ZNF732: variants seen among roughly 807,000 people sequenced by gnomAD.
ZNF732 encodes the protein zinc finger protein LOC654254.
In ZNF732, 12 loss-of-function variants were observed where a neutral mutation model predicts 11.5. The ratio of observed to expected loss-of-function variants is 1.05; its 90% CI spans 0.67 to 1.70. The LOEUF (loss-of-function observed/expected upper bound fraction) is 1.70, where lower values mean the gene tolerates loss of function less well. ZNF732 is among the 40% of genes most tolerant of loss of function. The pLI is 0.00. For synonymous variants in ZNF732, 231 were observed against 236.5 expected, an observed-to-expected ratio of 0.98 and a Z score of 0.21; for missense variants, 702 against 676.9, an observed-to-expected ratio of 1.04 and a Z score of -0.41.
chr4:279,777 C>T (rs1213511141), intron 3 of ZNF732, among the ~76,000 whole-genome samples: 1 of 152,032 alleles, frequency 6.6e-6, no homozygotes, highest in East Asian at 1.9e-4. Context: ...AAAAGTGTTT[C>T]TCTCACAGAA....
At chr4:300,454 C>CAAAAAAAA (rs559629684) in intron 1 of ZNF732, among the ~76,000 whole-genome samples, 1 of 58,630 alleles carries the variant, frequency 1.7e-5, no homozygotes. Flanking sequence ...GACTCTGTCT[C>CAAAAAAAA]AAAAAAAAAA....
rs1553837887 is a variant in ZNF732, at chr4:272,339, C to T, written c.518G>A (p.Gly173Asp). 1.6e-5 allele frequency: 26 copies of T among 1,609,880 alleles called. No individual in the cohort carries two copies. The highest frequency in any genetic ancestry group is 2.2e-5 in the Non-Finnish European group (26 of 1,177,626). Residue 173 changes from glycine to aspartate, a missense_variant, in exon 4 of 4, where the codon GGC becomes GAC. Physicochemically the swap from Gly to Asp is moderately conservative, Grantham distance 94 (BLOSUM62 -1). Coordinates refer to ENST00000419098, the MANE Select transcript of ZNF732 (RefSeq NM_001137608.3). ...HTGEKHFKEC[G>D]KSFQKFSDLT... ...GTCTGAGAACTTCTGAAATGACTTG[C>T]CACATTCTTTAAAGTGTTTCTCTCC...
chr4:305,138 G>A (rs1421669904), intron 1 of ZNF732, among the ~76,000 whole-genome samples, 170 bp downstream of exon 1: 1 of 152,194 alleles, frequency 6.6e-6, no homozygotes. Context: ...GGCCAAAGCC[G>A]CCTTGCGGGG....
intron 1 of ZNF732, among the ~76,000 whole-genome samples, chr4:303,142 C>T (rs1315920391): frequency 1.3e-5 from 2 of 152,202 alleles, no homozygotes; most frequent in Admixed American, 6.5e-5. Context: ...TCTTAAAGCC[C>T]CTGCACCTGG....
intron 3 of ZNF732, among the ~76,000 whole-genome samples, chr4:289,731 AAAG>A (rs1553841132): frequency 6.6e-6 from 1 of 152,206 alleles, no homozygotes; most frequent in Non-Finnish European, 1.5e-5. Flanking sequence ...TCAAAAATAA[AAAG>A]AAAGAAAATG....
At chr4:300,865 C>T (rs1553843516) in intron 1 of ZNF732, among the ~76,000 whole-genome samples, 1 of 152,122 alleles carries the variant, frequency 6.6e-6, no homozygotes, top group Non-Finnish European at 1.5e-5. Context: ...CCAAAATTGA[C>T]AAATGGGATC....
At position 293,321 on chromosome 4, in the gene ZNF732, T is replaced by TAC. The variant is rs1471899176; in HGVS notation, c.226+2115_226+2116dup. Among the ~76,000 whole-genome samples the TAC allele has an allele frequency of 4.3e-3, 633 of 146,922 alleles. 7 individuals carry two copies. The highest frequency in any genetic ancestry group is 0.014 in the Middle Eastern group (4 of 284). The stretch of plus-strand genomic sequence containing the variant: ...ATATGTGTGTGTGTGTATATATATA[T>TAC]ACACACACACACAGTAGACTACTAT... On this transcript the variant is annotated intron_variant, in intron 3 of 3. Transcript: ENST00000419098.
At chr4:293,183 A>C (rs1351576705) in intron 3 of ZNF732, among the ~76,000 whole-genome samples, 1 of 146,658 alleles carries the variant, frequency 6.8e-6, no homozygotes, top group Non-Finnish European at 1.5e-5. Flanking sequence ...ACCTTGAAGA[A>C]ATATCTTCAG....
At chr4:279,507 T>C (rs1553839391) in intron 3 of ZNF732, among the ~76,000 whole-genome samples, 1 of 150,918 alleles carries the variant, frequency 6.6e-6, no homozygotes, top group Non-Finnish European at 1.5e-5. Flanking sequence ...AATATAAAAA[T>C]CAGTCAAAAT....
Position 299,408 on chromosome 4 carries a change from TATATATACAC to T in ZNF732, c.4-3263_4-3254del, listed in dbSNP as rs1468371649. On this transcript the variant is annotated intron_variant, in intron 1 of 3. Coordinates refer to ENST00000419098, the MANE Select transcript of ZNF732 (RefSeq NM_001137608.3). ...ACACATATGTACACATATGTGTATA[TATATATACAC>T]ATATATACACATATGTGTATATATA... Among the ~76,000 whole-genome samples, 252 of 67,526 alleles carry T rather than the reference TATATATACAC, an allele frequency of 3.7e-3. 7 individuals carry two copies. The highest frequency in any genetic ancestry group is 4.8e-3 in the African/African-American group (96 of 19,858). 44.3% of individuals were successfully genotyped at this position (67,526 alleles called of 152,430 possible). A position where few individuals can be genotyped will look rare whatever the true frequency, so the allele number is the denominator to read the frequency against.
intron 3 of ZNF732, among the ~76,000 whole-genome samples, chr4:287,129 C>A (rs377537763): frequency 1.3e-5 from 2 of 151,990 alleles, no homozygotes; most frequent in East Asian, 3.9e-4. Context: ...CCAGCCTGGG[C>A]GACAGAGCAA....
At chr4:282,081 G>A (rs78697570) in intron 3 of ZNF732, among the ~76,000 whole-genome samples, 2,599 of 152,154 alleles carry the variant, frequency 0.017, 72 homozygotes, top group African/African-American at 0.059. Context: ...AGCTTTAACA[G>A]GAGACTCAGT....
Position 272,556 on chromosome 4 carries a change from T to C in ZNF732, c.301A>G (p.Arg101Gly), listed in dbSNP as rs1553838005. Residue 101 changes from arginine to glycine, a missense_variant, in exon 4 of 4, where the codon AGA (arginine) becomes GGA (glycine). Transcript: ENST00000419098. Reference sequence around the variant, plus strand: ...TCATGTCCACATTTCTCATATCTTCTTAATATAAGTTTGTGGAACGAATCT... The same window carrying C: ...TCATGTCCACATTTCTCATATCTTCCTAATATAAGTTTGTGGAACGAATCT... Reference protein sequence around the residue: ...IEDSFHKLILRRYEKCGHENL... With the variant: ...IEDSFHKLILGRYEKCGHENL... The C allele has an allele frequency of 2.5e-6, 4 of 1,595,408 alleles. No homozygotes were observed. Among genetic ancestry groups the C allele is most frequent in the African/African-American group, 1.4e-5 (1 of 73,834 alleles).
chr4:283,483 A>G (rs1422031069), intron 3 of ZNF732, among the ~76,000 whole-genome samples: 1 of 152,030 alleles, frequency 6.6e-6, no homozygotes, highest in Non-Finnish European at 1.5e-5. Flanking sequence ...TTTACATCAG[A>G]CAAAATAGAC....
In ZNF732 at chr4:295,447, T is replaced by G; in HGVS notation, c.217A>C (p.Lys73Gln). The change falls in exon 3 of 4, where the codon AAA becomes CAA. Residue 73 changes from lysine to glutamine, a missense_variant. Physicochemically the swap from Lys to Gln is moderately conservative, Grantham distance 53. Transcript: ENST00000419098. ...YKVKIHETVA[K>Q]HPAVCSHFTQ... ...ATTCACTGTCACCTACCTGGGTGTT[T>G]GGCTACTGTCTCATGTATCTTCACT... 1.2e-6 allele frequency: 2 copies of G among 1,606,330 alleles called. No individual in the cohort carries two copies. The highest frequency in any genetic ancestry group is 1.7e-6 in the Non-Finnish European group (2 of 1,176,082).
rs151212469 is a variant in ZNF732 at position 278,334 on chromosome 4, G to A, written c.227-5704C>T. Among the ~76,000 whole-genome samples, 1,116 of 152,280 alleles carry A rather than the reference G, an allele frequency of 7.3e-3. 13 individuals are homozygous for A. Among genetic ancestry groups the A allele is most frequent in the Middle Eastern group, 0.044 (13 of 294 alleles). On this transcript the variant is annotated intron_variant, in intron 3 of 3. Coordinates refer to ENST00000419098, the MANE Select transcript of ZNF732 (RefSeq NM_001137608.3). ...GGACTTTACATATTTACACATGCAT[G>A]TTAATTATTATTTGCAAAAGACAAT...
At chr4:299,589 A>ATTTAT (rs1720068179) in intron 1 of ZNF732, among the ~76,000 whole-genome samples, 1 of 138,976 alleles carries the variant, frequency 7.2e-6, no homozygotes, top group African/African-American at 2.7e-5. Flanking sequence ...TTTATATATA[A>ATTTAT]ATATATATTT....
intron 3 of ZNF732, among the ~76,000 whole-genome samples, chr4:293,744 G>A (rs745908545): frequency 1.3e-5 from 2 of 151,958 alleles, no homozygotes; most frequent in African/African-American, 2.4e-5. Flanking sequence ...TAGATGTGTT[G>A]ATCAACTTGA....
At chr4:274,005 C>T (rs1480022079) in intron 3 of ZNF732, among the ~76,000 whole-genome samples, 1 of 151,716 alleles carries the variant, frequency 6.6e-6, no homozygotes, top group Non-Finnish European at 1.5e-5. Flanking sequence ...CAAAAAAATG[C>T]TCAAGAAAGT....
Sources: gnomAD v4.1 joint callset for allele counts (sites outside exome capture counted in the v4.1 genomes callset) on GRCh38, gnomAD v4.1.1 for gene constraint, MANE v1.5 for transcripts, NCBI Gene and HGNC (gene_info 2026-07-23, HGNC 2026-07-21) for gene names.